Variants in TFEB observed in about 807,000 individuals in gnomAD.
TFEB encodes transcription factor EB, also known as T-cell transcription factor EB.
TFEB carries 12 observed loss-of-function variants against 48.0 expected under a neutral mutation model. The observed-to-expected ratio is 0.25, with a 90% CI of 0.16 to 0.40. The LOEUF is 0.40. Ranked by LOEUF, TFEB falls within the 10% of genes least tolerant of loss-of-function variation. TFEB has a pLI of 1.00. For missense variants in TFEB, 509 were observed against 640.3 expected (o/e 0.79, Z 2.21); for synonymous variants, 244 against 261.4 (o/e 0.93, Z 0.64).
At chr6:41,704,447 T>C (rs148474930) in intron 1 of TFEB, among the ~76,000 whole-genome samples, 49 of 152,358 alleles carry the variant, frequency 3.2e-4, no homozygotes, top group Middle Eastern at 6.8e-3. Context: ...AAATATGTGA[T>C]GTGCCTAGCA....
In TFEB at chr6:41,684,698, C is replaced by T. The variant is rs1333587131; in HGVS notation, c.1332G>A (p.Pro444=). The change falls in exon 9 of 9, where the codon CCG becomes CCA. Residue 444 remains proline (P), a synonymous_variant. Coordinates refer to ENST00000373033, the MANE Select transcript of TFEB (RefSeq NM_001271944.2). ...DLMLLDDSLL[P]LASDPLLSTM... ...TGGACAGAAGTGGATCAGAGGCCAG[C>T]GGTAGCAGTGAGTCGTCCAGGAGCA... 7.4e-6 allele frequency: 12 copies of T among 1,613,664 alleles called. No homozygotes were observed. The highest frequency in any genetic ancestry group is 2.2e-5 in the East Asian group (1 of 44,868).
At chr6:41,714,669 A>G (rs1025762036) in intron 1 of TFEB, among the ~76,000 whole-genome samples, 2 of 152,108 alleles carry the variant, frequency 1.3e-5, no homozygotes, top group Admixed American at 6.5e-5. Context: ...GAGACGGACT[A>G]TTGTCTTCAG....
At position 41,735,512 on chromosome 6, in the gene TFEB, G is replaced by C; in HGVS notation, c.-185C>G. 1 of 984,154 alleles carries C rather than the reference G, an allele frequency of 1.0e-6. No homozygotes were observed. The highest frequency in any genetic ancestry group is 4.6e-5 in the South Asian group (1 of 21,544). The allele number at this position is 984,154 out of a possible 1,614,324, so 61.0% of individuals were successfully genotyped here. On this transcript the variant is annotated 5_prime_UTR_variant, in exon 1 of 9. Coordinates refer to ENST00000373033, the MANE Select transcript of TFEB (RefSeq NM_001271944.2). ...CGCCCCGTCCGCCCTTCCCGCCGCC[G>C]TCGGCGCCGCGGCCGCTCCCTGCGT...
At chr6:41,686,765 C>G in intron 7 of TFEB, 1 of 353,374 alleles carries the variant, frequency 2.8e-6, no homozygotes, top group Non-Finnish European at 5.3e-6. Context: ...ATCTGCCTGC[C>G]TCAGCTTCCC....
chr6:41,686,465 G>A, intron 7 of TFEB: 1 of 374,462 alleles, frequency 2.7e-6, no homozygotes, highest in Admixed American at 4.8e-5. Flanking sequence ...ATTCAGAGCA[G>A]CCTCCTTCCC....
chr6:41,734,381 C>A lies in TFEB; in HGVS notation c.-23+969G>T. 1 of 984,838 alleles carries A rather than the reference C, an allele frequency of 1.0e-6. No homozygotes were observed. The highest frequency in any genetic ancestry group is 4.7e-5 in the South Asian group (1 of 21,274). The allele number at this position is 984,838 out of a possible 1,614,324, so 61.0% of individuals were successfully genotyped here. A position where few individuals can be genotyped will look rare whatever the true frequency, so the allele number is the denominator to read the frequency against. ...CCTGCTCGCGCAGCCCGGAGCAGCT[C>A]GGGGCAGCCGTGCGTGAAGCCGGAA... On this transcript the variant is annotated intron_variant, in intron 1 of 8. Transcript: ENST00000373033. This position sits in a 1 kb window ranked among gnomAD's most constrained non-coding sequence, Gnocchi z 4.0.
At chr6:41,688,154 C>CT (rs1561849561) in intron 4 of TFEB, 126 bp from the exon 5 acceptor site, 1 of 1,209,450 alleles carries the variant, frequency 8.3e-7, no homozygotes, top group African/African-American at 1.5e-5. Context: ...TCACCTTGGG[C>CT]CCTTTCACCC....
chr6:41,709,093 G>A (rs1770366702), intron 1 of TFEB, among the ~76,000 whole-genome samples: 1 of 152,218 alleles, frequency 6.6e-6, no homozygotes. Flanking sequence ...CCCCCAGGCT[G>A]CTCCTAGGAT....
intron 1 of TFEB, among the ~76,000 whole-genome samples, chr6:41,732,086 A>G (rs539139724): frequency 6.6e-6 from 1 of 152,168 alleles, no homozygotes; most frequent in South Asian, 2.1e-4. Flanking sequence ...AGGTCTCGCT[A>G]TGTTGCCCAG....
intron 1 of TFEB, among the ~76,000 whole-genome samples, chr6:41,693,839 C>T (rs1769432792): frequency 2.0e-5 from 3 of 152,176 alleles, no homozygotes; most frequent in African/African-American, 7.2e-5. Context: ...TGCCTTTGCC[C>T]ACCCCCTTCC....
At chr6:41,698,116 T>C (rs1171377024) in intron 1 of TFEB, among the ~76,000 whole-genome samples, 1 of 152,250 alleles carries the variant, frequency 6.6e-6, no homozygotes, top group Admixed American at 6.5e-5. Context: ...AAGCACCTTA[T>C]GTAATTATCA....
chr6:41,723,926 C>T lies in TFEB; in HGVS notation c.-23+11424G>A, dbSNP rs372707756. The T allele has an allele frequency of 2.9e-5, 15 of 513,338 alleles. No homozygotes were observed. The highest frequency in any genetic ancestry group is 4.7e-5 in the Non-Finnish European group (12 of 257,642). 31.8% of individuals were successfully genotyped at this position (513,338 alleles called of 1,614,324 possible). A position where few individuals can be genotyped will look rare whatever the true frequency, so the allele number is the denominator to read the frequency against. On this transcript the variant is annotated intron_variant, in intron 1 of 8. Transcript: ENST00000373033. The surrounding 1 kb of genome is among the most constrained non-coding windows in gnomAD (Gnocchi z 6.0). ...GGGTGGGCCTAACCCTAACCCCAGC[C>T]CCGCTTCCTAGAGACATGTGTCCTT... is the stretch of plus-strand genomic sequence containing the variant.
intron 1 of TFEB, among the ~76,000 whole-genome samples, chr6:41,714,135 GTGTGCGTGTGTGTGCA>G (rs1375733671): frequency 4.2e-5 from 5 of 119,086 alleles, no homozygotes; most frequent in Non-Finnish European, 6.6e-5. Flanking sequence ...GCGTGTGCAT[GTGTGCGTGTGTGTGCA>G]TGTGCATGCG....
At chr6:41,695,622 C>T (rs1769536579) in intron 1 of TFEB, among the ~76,000 whole-genome samples, 1 of 152,166 alleles carries the variant, frequency 6.6e-6, no homozygotes, top group African/African-American at 2.4e-5. Context: ...TCACAGCCCC[C>T]ACTCTTTAAC....
chr6:41,701,684 C>T (rs1039159339), intron 1 of TFEB, among the ~76,000 whole-genome samples: 19 of 152,194 alleles, frequency 1.2e-4, no homozygotes, highest in Non-Finnish European at 5.9e-5. Context: ...GTGGCTCATG[C>T]CTGTAATCCC....
At chr6:41,721,384 C>T (rs952368464) in intron 1 of TFEB, among the ~76,000 whole-genome samples, 65 of 151,678 alleles carry the variant, frequency 4.3e-4, no homozygotes, top group Non-Finnish European at 8.0e-4. Context: ...CACACACACA[C>T]ACACACACAC....
At chr6:41,721,372 TACACACAC>T (rs58269771) in intron 1 of TFEB, among the ~76,000 whole-genome samples, 5,807 of 144,780 alleles carry the variant, frequency 0.04, 352 homozygotes, top group African/African-American at 0.13. Context: ...TAGGCACACA[TACACACAC>T]ACACACACAC....
intron 3 of TFEB, 145 bp from the exon 4 acceptor site, chr6:41,689,956 A>G (rs970203325): frequency 1.6e-6 from 1 of 624,354 alleles, no homozygotes; most frequent in Non-Finnish European, 2.9e-6. Flanking sequence ...ATAGGCCCAG[A>G]GAAGAGATGA....
In TFEB at chr6:41,724,793, G is replaced by T. The variant is rs1771136372; in HGVS notation, c.-23+10557C>A. ...CTCATTTCTGCAGCCCTCATCAAAA[G>T]GCTGGGGCCCGCAGGGACTGTGGGG... On this transcript the variant is annotated intron_variant, in intron 1 of 8. Coordinates refer to ENST00000373033, the MANE Select transcript of TFEB (RefSeq NM_001271944.2). This position sits in a 1 kb window ranked among gnomAD's most constrained non-coding sequence, Gnocchi z 4.4. Among the ~76,000 whole-genome samples the T allele has an allele frequency of 6.6e-6, 1 of 152,212 alleles. No individual in the cohort carries two copies. The highest frequency in any genetic ancestry group is 6.5e-5 in the Admixed American group (1 of 15,276).
Sources: allele counts gnomAD v4.1 joint callset (sites outside exome capture counted in the v4.1 genomes callset), GRCh38; gene constraint gnomAD v4.1.1; non-coding constraint Gnocchi (gnomAD v3.1); transcripts MANE v1.5; gene names NCBI Gene and HGNC (gene_info 2026-07-23, HGNC 2026-07-21).